The following STK38 variants were observed in gnomAD, a reference collection of about 807,000 sequenced individuals.
STK38 encodes the protein serine/threonine-protein kinase 38.
Under a neutral mutation model 59.0 loss-of-function variants are expected in STK38, and 26 were observed. The ratio of observed to expected loss-of-function variants is 0.44; its 90% CI spans 0.32 to 0.61. The LOEUF (loss-of-function observed/expected upper bound fraction) is 0.61. STK38 is among the 20% of genes least tolerant of loss of function. The pLI, the probability that STK38 is intolerant of heterozygous loss-of-function variation, is 0.04. For missense variants in STK38, 433 were observed against 566.0 expected (o/e 0.76, Z 2.38); for synonymous variants, 175 against 176.6 (o/e 0.99, Z 0.07).
intron 7 of STK38, among the ~76,000 whole-genome samples, chr6:36,511,952 G>C (rs748876281): frequency 2.6e-5 from 4 of 151,972 alleles, no homozygotes; most frequent in Non-Finnish European, 4.4e-5. Context: ...CCACCTACTT[G>C]GGAGGCTGAG....
chr6:36,516,378 G>T (rs1300226280), intron 6 of STK38, among the ~76,000 whole-genome samples: 1 of 152,146 alleles, frequency 6.6e-6, no homozygotes, highest in Non-Finnish European at 1.5e-5. Context: ...AAACAGTAAA[G>T]ATTCAGTTTA....
In STK38 at chr6:36,506,471, T is replaced by C. The variant is rs1031091285; in HGVS notation, c.834+112A>G. ...CAACAGCACTCTCTTTAGGTAATCT[T>C]AAAAGCAAGGGATATGTTGCAAATA... On this transcript the variant is annotated intron_variant, in intron 9 of 13. Coordinates refer to ENST00000229812, the MANE Select transcript of STK38 (RefSeq NM_007271.4). 1.5e-5 allele frequency: 17 copies of C among 1,138,572 alleles called. No individual in the cohort carries two copies. The African/African-American group carries it at 2.3e-4, about 16-fold the overall frequency. 70.5% of individuals were successfully genotyped at this position (1,138,572 alleles called of 1,614,324 possible).
At chr6:36,519,508 G>A (rs1777332311) in intron 5 of STK38, among the ~76,000 whole-genome samples, 1 of 152,156 alleles carries the variant, frequency 6.6e-6, no homozygotes, top group South Asian at 2.1e-4. Flanking sequence ...CACTCACCCT[G>A]GAGGACACAA....
intron 5 of STK38, among the ~76,000 whole-genome samples, chr6:36,518,449 G>A (rs1777305762): frequency 6.6e-6 from 1 of 152,160 alleles, no homozygotes; most frequent in Non-Finnish European, 1.5e-5. Context: ...AAGTTTCAGA[G>A]AACCGGAATT....
Position 36,540,082 on chromosome 6 carries a change from G to T in STK38, c.121C>A (p.Arg41=). ...YSNLIAQHEE[R]EMRQKKLEKV... is the part of the protein sequence containing the mutation. The stretch of plus-strand genomic sequence containing the variant: ...AACAAAATTCTTTACCTCATTTCTC[G>T]TTCTTCATGTTGAGCGATAAGGTTG... Residue 41 remains arginine, a synonymous_variant, in exon 2 of 14, where the codon CGA becomes AGA. Transcript: ENST00000229812. The T allele has an allele frequency of 6.2e-7, 1 of 1,613,588 alleles. No homozygotes were observed. The highest frequency in any genetic ancestry group is 1.3e-5 in the African/African-American group (1 of 74,990).
chr6:36,518,083 C>T (rs1777297894), intron 5 of STK38, among the ~76,000 whole-genome samples: 1 of 152,148 alleles, frequency 6.6e-6, no homozygotes, highest in Non-Finnish European at 1.5e-5. Flanking sequence ...AAATGAATGG[C>T]TTTAATGCAA....
intron 7 of STK38, among the ~76,000 whole-genome samples, chr6:36,514,782 A>G (rs1350691640): frequency 7.0e-6 from 1 of 142,324 alleles, no homozygotes; most frequent in Non-Finnish European, 1.5e-5. Context: ...CAGGAGGCGG[A>G]GGTTGCAGTG....
intron 2 of STK38, among the ~76,000 whole-genome samples, chr6:36,538,029 G>A (rs1470328004): frequency 2.6e-5 from 4 of 152,096 alleles, no homozygotes; most frequent in Non-Finnish European, 4.4e-5. Context: ...AACCAGGCAC[G>A]GTGGCTCACG....
chr6:36,547,043 A>C (rs1778067127), intron 1 of STK38, 147 bp downstream of exon 1: 1 of 153,192 alleles, frequency 6.5e-6, no homozygotes, highest in Admixed American at 6.5e-5. Flanking sequence ...AGAGGGGCGG[A>C]GAGAGGCCAA....
chr6:36,525,608 C>A lies in STK38; in HGVS notation c.166G>T (p.Gly56Cys). ...KKLEKVMEEEGLKDEEKRLRR... is the reference protein window; with the variant it reads ...KKLEKVMEEECLKDEEKRLRR... ...TTAATTACCTCCTCATCTTTTAGGC[C>A]TTCTTCTTCCATCACCTTTTCTAAC... is the stretch of plus-strand genomic sequence containing the variant. The change falls in exon 3 of 14, where the codon GGC becomes TGC. Residue 56 changes from glycine to cysteine, a missense_variant. Transcript: ENST00000229812. 6.2e-7 allele frequency: 1 copy of A among 1,613,780 alleles called. No homozygotes were observed. The highest frequency in any genetic ancestry group is 8.5e-7 in the Non-Finnish European group (1 of 1,179,786).
chr6:36,514,332 AG>A (rs1398186186), intron 7 of STK38, among the ~76,000 whole-genome samples: 1 of 151,464 alleles, frequency 6.6e-6, no homozygotes, highest in Non-Finnish European at 1.5e-5. Context: ...AAACAACTTC[AG>A]GTTTTTCAAG....
In STK38 at chr6:36,499,882, T is replaced by A. The variant is rs1776795742; in HGVS notation, c.943A>T (p.Met315Leu). ...WWSLGVIMYEMLIGYPPFCSE... is the reference protein window; with the variant it reads ...WWSLGVIMYELLIGYPPFCSE... The stretch of plus-strand genomic sequence containing the variant: ...AAACCATGCAACTTACCGATGAGCA[T>A]CTCATACATGATCACCCCAAGCGAC... Residue 315 changes from methionine to leucine, a missense_variant, in exon 10 of 14, where the codon ATG becomes TTG. Met to Leu is a conservative substitution (Grantham distance 15). Transcript: ENST00000229812. 1 of 1,613,822 alleles carries A rather than the reference T, an allele frequency of 6.2e-7. No homozygotes were observed. Among genetic ancestry groups the A allele is most frequent in the Middle Eastern group, 1.7e-4 (1 of 6,060 alleles).
rs187141566 is a variant in STK38 at position 36,514,235 on chromosome 6, G to A, written c.669+1103C>T. ...GGAGGCTGAGGCAAGAGGATCCCTT[G>A]AACCCAAGAATTAGATTGCAGTGAG... On this transcript the variant is annotated intron_variant, in intron 7 of 13. Transcript: ENST00000229812. 3.9e-3 allele frequency among the ~76,000 whole-genome samples: 576 copies of A among 147,100 alleles called. 1 individual carries two copies. The highest frequency in any genetic ancestry group is 0.014 in the Middle Eastern group (4 of 278).
chr6:36,497,827 TTCC>T lies in STK38; in HGVS notation c.1122_1124del (p.Glu375del), dbSNP rs1285736976. 1.2e-6 allele frequency: 2 copies of T among 1,613,870 alleles called. No homozygotes were observed. The highest frequency in any genetic ancestry group is 1.3e-5 in the African/African-American group (1 of 74,890). The stretch of plus-strand genomic sequence containing the variant: ...CTTCAAAAAAAGAGTTACTTTTTAT[TTCC>T]TCAACTCCAGGAGCTCCAATTCTAT... On this transcript the variant is annotated inframe_deletion, in exon 12 of 14. Transcript: ENST00000229812.
intron 2 of STK38, among the ~76,000 whole-genome samples, chr6:36,527,282 A>G (rs60043926): frequency 0.22 from 31,671 of 142,692 alleles, 3,866 homozygotes; most frequent in East Asian, 0.36. Flanking sequence ...ATGTATACAT[A>G]TATACATATA....
At chr6:36,505,246 T>C (rs1776937416) in intron 9 of STK38, among the ~76,000 whole-genome samples, 1 of 152,206 alleles carries the variant, frequency 6.6e-6, no homozygotes, top group Non-Finnish European at 1.5e-5. Flanking sequence ...AGAGACATAA[T>C]AGAAGCATCT....
chr6:36,508,547 T>C (rs962568632), intron 7 of STK38, among the ~76,000 whole-genome samples: 2 of 152,350 alleles, frequency 1.3e-5, no homozygotes, highest in Middle Eastern at 3.4e-3. Flanking sequence ...GGAATAAATA[T>C]TATTGGATAG....
chr6:36,523,627 C>T (rs1227939640), intron 4 of STK38, among the ~76,000 whole-genome samples: 2 of 152,110 alleles, frequency 1.3e-5, no homozygotes, highest in African/African-American at 4.8e-5. Context: ...AGTAGGTCAT[C>T]CAGTTTGGGC....
chr6:36,506,594 T>G lies in STK38; in HGVS notation c.823A>C (p.Arg275=), dbSNP rs779655613. Residue 275 remains arginine (R), a synonymous_variant, in exon 9 of 14, where the codon AGA becomes CGA. Transcript: ENST00000229812. ...KRKAETWKRN[R]RQLAFSTVGT... ...CAGATATTACTTACTAGCTGACGTC[T>G]ATTTCTTTTCCAGGTTTCTGCTTTC... The G allele has an allele frequency of 8.1e-6, 13 of 1,613,414 alleles. No individual in the cohort carries two copies.
Sources: gnomAD v4.1 joint callset for allele counts (sites outside exome capture counted in the v4.1 genomes callset) on GRCh38, gnomAD v4.1.1 for gene constraint, MANE v1.5 for transcripts, NCBI Gene and HGNC (gene_info 2026-07-23, HGNC 2026-07-21) for gene names.